RBPMS2: variants seen among roughly 807,000 people sequenced by gnomAD.
RBPMS2 encodes the protein RNA binding protein, mRNA processing factor 2, also known as RNA-binding protein with multiple splicing 2.
RBPMS2 carries 14 observed loss-of-function variants against 25.7 expected under a neutral mutation model. The observed-to-expected ratio is 0.55, with a 90% CI of 0.36 to 0.85. The LOEUF (loss-of-function observed/expected upper bound fraction) is 0.85, where lower values mean the gene tolerates loss of function less well. Ranked by LOEUF, RBPMS2 falls within the 40% of genes least tolerant of loss-of-function variation. RBPMS2 has a pLI of 0.01. For synonymous variants in RBPMS2, 127 were observed against 115.6 expected (o/e 1.10, Z -0.63); for missense variants, 252 against 283.4 (o/e 0.89, Z 0.80).
In RBPMS2 at chr15:64,751,615, G is replaced by A. The variant is rs368461699; in HGVS notation, c.111C>T (p.Gly37=). ...CTCTGGGTTTAATGTCCACAGGGAG[G>A]CCGCTGACAAACAGTGTCCGGACCT... The part of the protein sequence containing the change: ...EEEVRTLFVS[G]LPVDIKPREL... The change falls in exon 2 of 8, where the codon GGC becomes GGT. Residue 37 remains glycine, a synonymous_variant. Coordinates refer to ENST00000300069, the MANE Select transcript of RBPMS2 (RefSeq NM_194272.3). 4 of 1,613,868 alleles carry A rather than the reference G, an allele frequency of 2.5e-6. No homozygotes were observed. The African/African-American group carries it at 5.3e-5, about 22-fold the overall frequency.
At chr15:64,755,600 G>A (rs1567066778) in intron 1 of RBPMS2, among the ~76,000 whole-genome samples, 1 of 152,176 alleles carries the variant, frequency 6.6e-6, no homozygotes, top group Admixed American at 6.5e-5. Flanking sequence ...GAGGGCAGGG[G>A]GAGCGGCACA....
At chr15:64,767,823 T>A (rs978058034) in intron 1 of RBPMS2, among the ~76,000 whole-genome samples, 5 of 152,132 alleles carry the variant, frequency 3.3e-5, no homozygotes, top group Admixed American at 3.3e-4. Flanking sequence ...GCATGCACCA[T>A]CACACCCAGC....
At chr15:64,774,155 C>A (rs2083911271) in intron 1 of RBPMS2, among the ~76,000 whole-genome samples, 1 of 152,214 alleles carries the variant, frequency 6.6e-6, no homozygotes, top group African/African-American at 2.4e-5. Flanking sequence ...GGAGGCAACA[C>A]CAGTCCACAC....
chr15:64,742,553 C>G (rs1010992242), intron 6 of RBPMS2, among the ~76,000 whole-genome samples: 1 of 152,200 alleles, frequency 6.6e-6, no homozygotes, highest in South Asian at 2.1e-4. Flanking sequence ...CTGCCAAGAC[C>G]GCAGGGAAGG....
intron 1 of RBPMS2, among the ~76,000 whole-genome samples, chr15:64,765,436 A>G (rs2083837546): frequency 6.8e-6 from 1 of 147,616 alleles, no homozygotes. Flanking sequence ...AAAATTAGCC[A>G]GGCATGGTGG....
At chr15:64,744,338 C>G (rs1205998790) in intron 6 of RBPMS2, among the ~76,000 whole-genome samples, 1 of 151,976 alleles carries the variant, frequency 6.6e-6, no homozygotes, top group Middle Eastern at 3.2e-3. Flanking sequence ...GCGGACGGAT[C>G]ACCTGAGGTC....
At chr15:64,748,033 T>C (rs914943750) in intron 6 of RBPMS2, among the ~76,000 whole-genome samples, 1 of 151,338 alleles carries the variant, frequency 6.6e-6, no homozygotes, top group Admixed American at 6.6e-5. Flanking sequence ...CAGCAATCTG[T>C]AAGAGCTTGA....
chr15:64,741,368 G>T (rs1595782682), intron 6 of RBPMS2, 126 bp from the exon 7 acceptor site: 2 of 725,470 alleles, frequency 2.8e-6, no homozygotes, highest in Admixed American at 4.6e-5. Flanking sequence ...GGCACATTTT[G>T]GGCCAGTTAC....
chr15:64,750,932 G>T (rs931029992), intron 2 of RBPMS2, among the ~76,000 whole-genome samples: 3 of 152,042 alleles, frequency 2.0e-5, no homozygotes, highest in African/African-American at 7.3e-5. Flanking sequence ...CAGCTACTCG[G>T]GAGGCAGAGG....
intron 1 of RBPMS2, among the ~76,000 whole-genome samples, chr15:64,774,933 G>C (rs1365322887): frequency 3.3e-5 from 5 of 151,210 alleles, no homozygotes; most frequent in Non-Finnish European, 7.4e-5. Context: ...GCGGGCGGCA[G>C]GCATGGAACG....
chr15:64,764,920 CAA>C lies in RBPMS2; in HGVS notation c.87+10311_87+10312del, dbSNP rs34364733. The stretch of plus-strand genomic sequence containing the variant: ...GTGACAACAGAGTGAGACTCCGTCT[CAA>C]AAAAAAAAAAAAAAGAAGAACTGGC... On this transcript the variant is annotated intron_variant, in intron 1 of 7. Coordinates refer to ENST00000300069, the MANE Select transcript of RBPMS2 (RefSeq NM_194272.3). 2.3e-3 allele frequency among the ~76,000 whole-genome samples: 239 copies of C among 103,354 alleles called. 2 individuals carry two copies. In the East Asian group the frequency reaches 0.052, roughly 22 times the overall value. 67.8% of individuals were successfully genotyped at this position (103,354 alleles called of 152,430 possible). A position where few individuals can be genotyped will look rare whatever the true frequency, so the allele number is the denominator to read the frequency against.
In RBPMS2 at chr15:64,740,310, C is replaced by G. The variant is rs1288145293; in HGVS notation, c.*698G>C. The G allele has an allele frequency of 6.6e-6, 1 of 152,324 alleles. No individual in the cohort carries two copies. The highest frequency in any genetic ancestry group is 1.9e-4 in the East Asian group (1 of 5,202). The allele number at this position is 152,324 out of a possible 1,614,324, so 9.4% of individuals were successfully genotyped here. A position where few individuals can be genotyped will look rare whatever the true frequency, so the allele number is the denominator to read the frequency against. Reference sequence around the variant, plus strand: ...TTCGAGGTTTGGAAAGAATGAGGAGCAGCGGCGGGCGGGGTGCGCTGTGGA... The same window carrying G: ...TTCGAGGTTTGGAAAGAATGAGGAGGAGCGGCGGGCGGGGTGCGCTGTGGA... On this transcript the variant is annotated 3_prime_UTR_variant, in exon 8 of 8. Transcript: ENST00000300069.
rs561709074 is a variant in RBPMS2, at chr15:64,767,813, G to A, written c.87+7420C>T. On this transcript the variant is annotated intron_variant, in intron 1 of 7. Transcript: ENST00000300069. ...GCCTCCTGAGTAGCTGGGACTACAG[G>A]CATGCACCATCACACCCAGCTACTT... is the stretch of plus-strand genomic sequence containing the variant. Among the ~76,000 whole-genome samples the A allele has an allele frequency of 2.0e-5, 3 of 152,298 alleles. No individual in the cohort carries two copies. The South Asian group carries it at 6.2e-4, about 32-fold the overall frequency.
intron 6 of RBPMS2, among the ~76,000 whole-genome samples, chr15:64,744,558 C>CAA (rs35132500): frequency 0.037 from 4,695 of 125,658 alleles, 232 homozygotes; most frequent in African/African-American, 0.12. Flanking sequence ...AACTCTGTCT[C>CAA]AAAAAAAAAA....
At chr15:64,746,326 G>A (rs2083617712) in intron 6 of RBPMS2, among the ~76,000 whole-genome samples, 1 of 152,162 alleles carries the variant, frequency 6.6e-6, no homozygotes, top group African/African-American at 2.4e-5. Context: ...GCACAAAGAG[G>A]CCTCCAGCCT....
chr15:64,745,779 C>T (rs1174144796), intron 6 of RBPMS2, among the ~76,000 whole-genome samples: 1 of 152,186 alleles, frequency 6.6e-6, no homozygotes, highest in African/African-American at 2.4e-5. Flanking sequence ...AAACAACCTC[C>T]AGGACCCCTC....
chr15:64,759,835 G>C (rs2083766827), intron 1 of RBPMS2, among the ~76,000 whole-genome samples: 1 of 152,098 alleles, frequency 6.6e-6, no homozygotes, highest in African/African-American at 2.4e-5. Context: ...ACCATGCCCG[G>C]CTAATTTTTG....
chr15:64,757,092 C>G (rs1261096614), intron 1 of RBPMS2, among the ~76,000 whole-genome samples: 1 of 151,736 alleles, frequency 6.6e-6, no homozygotes, highest in African/African-American at 2.4e-5. Flanking sequence ...CCTGCCTCAG[C>G]CTCCAGAGTA....
At chr15:64,742,704 A>G (rs890741554) in intron 6 of RBPMS2, among the ~76,000 whole-genome samples, 8 of 152,160 alleles carry the variant, frequency 5.3e-5, no homozygotes, top group African/African-American at 1.7e-4. Context: ...GGGGAGCTGG[A>G]GTCCCCTCAG....
Sources: allele counts gnomAD v4.1 joint callset (sites outside exome capture counted in the v4.1 genomes callset), GRCh38; gene constraint gnomAD v4.1.1; transcripts MANE v1.5; gene names NCBI Gene and HGNC (gene_info 2026-07-23, HGNC 2026-07-21).